DPEP2: variants seen among roughly 807,000 people sequenced by gnomAD.
DPEP2 encodes the protein dipeptidase 2.
DPEP2 carries 45 observed loss-of-function variants against 51.8 expected under a neutral mutation model. The ratio of observed to expected loss-of-function variants is 0.87; its 90% CI spans 0.68 to 1.11. The LOEUF (loss-of-function observed/expected upper bound fraction) is 1.11. Ranked by LOEUF, DPEP2 falls within the 50% of genes most tolerant of loss-of-function variation. The pLI is 0.00. For synonymous variants in DPEP2, 255 were observed against 262.7 expected, an observed-to-expected ratio of 0.97 and a Z score of 0.28; for missense variants, 604 against 631.9, an observed-to-expected ratio of 0.96 and a Z score of 0.47.
chr16:67,997,366 A>G (rs2032762336), intron 1 of DPEP2, among the ~76,000 whole-genome samples: 2 of 143,876 alleles, frequency 1.4e-5, no homozygotes, highest in Admixed American at 7.1e-5. Flanking sequence ...TTATTTGTTT[A>G]TTTATTTTGA....
chr16:67,998,903 C>T (rs779590042), intron 1 of DPEP2, among the ~76,000 whole-genome samples: 1 of 152,118 alleles, frequency 6.6e-6, no homozygotes, highest in Admixed American at 6.6e-5. Flanking sequence ...CTGGTGGCGA[C>T]GTGGAGAACC....
At chr16:67,989,524 C>A in intron 8 of DPEP2, 126 bp from the exon 9 acceptor site, 1 of 935,098 alleles carries the variant, frequency 1.1e-6, no homozygotes, top group South Asian at 1.5e-5. Context: ...CCTTTATGGC[C>A]TGCCACATAG....
rs530749230 is a variant in DPEP2, at chr16:67,996,060, A to G, written c.-45-2803T>C. Among the ~76,000 whole-genome samples, 3 of 152,200 alleles carry G rather than the reference A, an allele frequency of 2.0e-5. No individual in the cohort carries two copies. In the South Asian group the frequency reaches 6.2e-4, roughly 32 times the overall value. Reference sequence around the variant, plus strand: ...AATTATTATTATTATTGTTTTTGAGATAAGGTCTTGCTCTGTCACCCAGGC... The same window carrying G: ...AATTATTATTATTATTGTTTTTGAGGTAAGGTCTTGCTCTGTCACCCAGGC... On this transcript the variant is annotated intron_variant, in intron 1 of 10. Transcript: ENST00000393847.
chr16:67,992,623 G>T lies in DPEP2; in HGVS notation c.277C>A (p.Pro93Thr), dbSNP rs147847477. Residue 93 changes from proline to threonine, a missense_variant, in exon 3 of 11, where the codon CCC (proline) becomes ACC (threonine). Pro to Thr is a conservative substitution (Grantham distance 38). Transcript: ENST00000393847. ...FPLVDGHNDL[P>T]LVLRQVYQKG... ...TGGTAAACCTGCCTTAGGACCAGGG[G>T]CAGGTCGTTGTGGCTGGAGGGATGT... 6.2e-7 allele frequency: 1 copy of T among 1,613,802 alleles called. No homozygotes were observed. The highest frequency in any genetic ancestry group is 8.5e-7 in the Non-Finnish European group (1 of 1,179,742).
chr16:67,994,058 G>A (rs2032510711), intron 1 of DPEP2: 1 of 985,630 alleles, frequency 1.0e-6, no homozygotes, highest in Non-Finnish European at 1.2e-6. Flanking sequence ...TCTGGCCACT[G>A]CCAGGGAACA....
At position 67,998,745 on chromosome 16, in the gene DPEP2, T is replaced by G. The variant is rs188672664; in HGVS notation, c.-46+630A>C. Among the ~76,000 whole-genome samples, 333 of 152,330 alleles carry G rather than the reference T, an allele frequency of 2.2e-3. 1 individual carries two copies. The highest frequency in any genetic ancestry group is 4.1e-3 in the Non-Finnish European group (278 of 68,030). On this transcript the variant is annotated intron_variant, in intron 1 of 10. Coordinates refer to ENST00000393847, the MANE Select transcript of DPEP2 (RefSeq NM_022355.4). ...GGATTGTAAATACACCAGTCGGCAC[T>G]CAGTATCTAGCTCAAGGTTTGTAAA...
rs2031631671 is a variant in DPEP2, at chr16:67,988,061, T to C, written c.1071-74A>G. ...ACTCAGAACCACAGTCCAGGGTCTA[T>C]GAAACCCCAGCCCTGGTCAGGTATG... On this transcript the variant is annotated intron_variant, in intron 9 of 10. Coordinates refer to ENST00000393847, the MANE Select transcript of DPEP2 (RefSeq NM_022355.4). 6.3e-6 allele frequency: 10 copies of C among 1,597,168 alleles called. No homozygotes were observed. The South Asian group carries it at 8.9e-5, about 14-fold the overall frequency.
At position 67,987,629 on chromosome 16, in the gene DPEP2, A is replaced by G. The variant is rs1210959494; in HGVS notation, c.1338T>C (p.Thr446=). ...TGGCTGTCCAGTGTATGGGAATCTC[A>G]GTGAGTTCCTGGCCTGAAGTCAGAC... ...RQSLTSGQEL[T]EIPIHWTAKL... is the part of the protein sequence containing the mutation. Residue 446 remains threonine, a synonymous_variant, in exon 11 of 11, where the codon ACT becomes ACC. Transcript: ENST00000393847. 1.9e-6 allele frequency: 3 copies of G among 1,614,054 alleles called. No individual in the cohort carries two copies. Among genetic ancestry groups the G allele is most frequent in the South Asian group, 1.1e-5 (1 of 91,084 alleles).
At position 67,992,966 on chromosome 16, in the gene DPEP2, A is replaced by G. The variant is rs778866453; in HGVS notation, c.247T>C (p.Phe83Leu). The change falls in exon 2 of 11, where the codon TTC (phenylalanine) becomes CTC (leucine). Residue 83 changes from phenylalanine (F) to leucine (L), a missense_variant. Physicochemically the swap from Phe to Leu is conservative, Grantham distance 22. Transcript: ENST00000393847. ...QEQARALMRD[F>L]PLVDGHNDLP... ...ATTACGCACCCGTCCACGAGCGGGA[A>G]GTCCCGCATCAGGGCCCGTGCCTGC... The G allele has an allele frequency of 1.7e-5, 28 of 1,611,486 alleles. No homozygotes were observed. In the South Asian group the frequency reaches 3.1e-4, roughly 18 times the overall value.
At chr16:67,999,341 A>C (rs1598285395) in intron 1 of DPEP2, 34 bp downstream of exon 1, 1 of 330,420 alleles carries the variant, frequency 3.0e-6, no homozygotes, top group African/African-American at 2.2e-5. Flanking sequence ...CCAAACATCC[A>C]AACATCAAAA....
chr16:67,992,787 C>A (rs1486750228), intron 2 of DPEP2, 151 bp from the exon 3 acceptor site: 1 of 1,485,914 alleles, frequency 6.7e-7, no homozygotes, highest in African/African-American at 1.4e-5. Context: ...GAGTGCCCAC[C>A]CAAGAGGGGA....
In DPEP2 at chr16:67,990,926, C is replaced by T; in HGVS notation, c.804G>A (p.Arg268=). The T allele has an allele frequency of 6.2e-7, 1 of 1,614,250 alleles. No homozygotes were observed. Among genetic ancestry groups the T allele is most frequent in the Admixed American group, 1.7e-5 (1 of 60,028 alleles). ...DLSHVSDAVA[R]RALEVSQAPV... The stretch of plus-strand genomic sequence containing the variant: ...GTGCCTGTGACACTTCCAGGGCCCG[C>T]CGTGCCACAGCATCTGAGACATGGG... Residue 268 remains arginine (R), a synonymous_variant, in exon 7 of 11, where the codon CGG becomes CGA. Transcript: ENST00000393847.
chr16:67,998,578 C>T (rs1048049559), intron 1 of DPEP2, among the ~76,000 whole-genome samples: 4 of 152,228 alleles, frequency 2.6e-5, no homozygotes, highest in Non-Finnish European at 4.4e-5. Flanking sequence ...TCCCATCGAC[C>T]ACCACAGGGC....
chr16:67,991,924 C>T lies in DPEP2; in HGVS notation c.576G>A (p.Ser192=), dbSNP rs754651032. The T allele has an allele frequency of 2.1e-5, 34 of 1,614,032 alleles. No homozygotes were observed. The highest frequency in any genetic ancestry group is 3.3e-4 in the Middle Eastern group (2 of 6,084). Residue 192 remains serine, a synonymous_variant, in exon 5 of 11, where the codon TCG becomes TCA. Coordinates refer to ENST00000393847, the MANE Select transcript of DPEP2 (RefSeq NM_022355.4). The surrounding 1 kb of genome is among the most constrained non-coding windows in gnomAD (Gnocchi z 5.1). ...ACLIGVEGGH[S]LDNSLSILRT... ...GTAAGATGGAGAGGCTATTGTCCAG[C>T]GAGTGGCCACCCTCTACACCGATGA...
chr16:67,990,254 A>C, intron 7 of DPEP2, 123 bp from the exon 8 acceptor site: 1 of 846,756 alleles, frequency 1.2e-6, no homozygotes, highest in Non-Finnish European at 1.9e-6. Context: ...CAGAAACTTC[A>C]CCTCTCTGGT....
At position 67,990,862 on chromosome 16, in the gene DPEP2, T is replaced by C; in HGVS notation, c.868A>G (p.Asn290Asp). 1 of 1,614,166 alleles carries C rather than the reference T, an allele frequency of 6.2e-7. No homozygotes were observed. The highest frequency in any genetic ancestry group is 8.5e-7 in the Non-Finnish European group (1 of 1,180,022). ...FSHSAARGVC[N>D]SARNVPDDIL... ...TCATCAGGAACATTCCGAGCACTGTTGCACACACCCCGGGCAGCCGAGTGG... is the reference window on the plus strand; with the variant it reads ...TCATCAGGAACATTCCGAGCACTGTCGCACACACCCCGGGCAGCCGAGTGG... The change falls in exon 7 of 11, where the codon AAC becomes GAC. Residue 290 changes from asparagine to aspartate, a missense_variant. Coordinates refer to ENST00000393847, the MANE Select transcript of DPEP2 (RefSeq NM_022355.4).
At position 67,998,047 on chromosome 16, in the gene DPEP2, G is replaced by A. The variant is rs924800539; in HGVS notation, c.-46+1328C>T. On this transcript the variant is annotated intron_variant, in intron 1 of 10. Coordinates refer to ENST00000393847, the MANE Select transcript of DPEP2 (RefSeq NM_022355.4). ...GCAGCTCCTAATGAGAGGTGACAGC[G>A]TGCTGCCAGTCCTCACAGCCCTCGC... Among the ~76,000 whole-genome samples, 3 of 152,286 alleles carry A rather than the reference G, an allele frequency of 2.0e-5. No homozygotes were observed. The South Asian group carries it at 6.2e-4, about 32-fold the overall frequency.
chr16:67,994,132 G>A, intron 1 of DPEP2: 5 of 985,378 alleles, frequency 5.1e-6, no homozygotes, highest in Non-Finnish European at 6.0e-6. Context: ...TCTTGTCTAG[G>A]GCAGCAGAGT....
chr16:67,999,057 C>G (rs2032875467), intron 1 of DPEP2, among the ~76,000 whole-genome samples: 1 of 152,194 alleles, frequency 6.6e-6, no homozygotes, highest in Non-Finnish European at 1.5e-5. Flanking sequence ...GCTACCTGTT[C>G]TGGTCCCCTT....
Sources: gnomAD v4.1 joint callset for allele counts (sites outside exome capture counted in the v4.1 genomes callset) on GRCh38, gnomAD v4.1.1 for gene constraint, Gnocchi (gnomAD v3.1) non-coding constraint, MANE v1.5 for transcripts, NCBI Gene and HGNC (gene_info 2026-07-23, HGNC 2026-07-21) for gene names.